Variants in CCDC148 observed in about 807,000 individuals in gnomAD.
CCDC148 encodes the protein coiled-coil domain containing 148.
Under a neutral mutation model 85.7 loss-of-function variants are expected in CCDC148, and 89 were observed. The observed-to-expected ratio is 1.04, with a 90% confidence interval of 0.87 to 1.24. CCDC148 has a LOEUF of 1.24. CCDC148 is among the 50% of genes most tolerant of loss of function. The pLI, the probability that CCDC148 is intolerant of heterozygous loss-of-function variation, is 0.00. For missense variants in CCDC148, 692 were observed against 671.7 expected (o/e 1.03, Z -0.33); for synonymous variants, 230 against 213.9 (o/e 1.08, Z -0.66).
intron 1 of CCDC148, among the ~76,000 whole-genome samples, chr2:158,437,917 G>C (rs13416405): frequency 0.048 from 7,273 of 152,192 alleles, 301 homozygotes; most frequent in African/African-American, 0.11. Flanking sequence ...CAACTTACAA[G>C]GGACGTGAAG....
intron 9 of CCDC148, among the ~76,000 whole-genome samples, chr2:158,293,770 T>C (rs76801774): frequency 0.044 from 6,769 of 152,286 alleles, 257 homozygotes; most frequent in African/African-American, 0.1. Context: ...AGTCTGCTAG[T>C]TGTCCCTGTT....
intron 9 of CCDC148, among the ~76,000 whole-genome samples, chr2:158,268,133 A>C (rs1689551380): frequency 1.3e-5 from 2 of 152,190 alleles, no homozygotes; most frequent in African/African-American, 4.8e-5. Flanking sequence ...TGAGTCGTAC[A>C]TGTTTAACTT....
intron 11 of CCDC148, among the ~76,000 whole-genome samples, chr2:158,214,414 A>G (rs1016053552): frequency 6.6e-6 from 1 of 152,220 alleles, no homozygotes; most frequent in Non-Finnish European, 1.5e-5. Context: ...TAAAAACACA[A>G]TATTTCAAAC....
At chr2:158,180,169 G>T (rs1684823066) in intron 11 of CCDC148, among the ~76,000 whole-genome samples, 1 of 152,056 alleles carries the variant, frequency 6.6e-6, no homozygotes, top group Admixed American at 6.6e-5. Flanking sequence ...TTTACCCTTA[G>T]TGTGCACACC....
At chr2:158,353,415 G>C (rs1314926267) in intron 2 of CCDC148, among the ~76,000 whole-genome samples, 2 of 150,710 alleles carry the variant, frequency 1.3e-5, no homozygotes, top group East Asian at 1.9e-4. Context: ...AAAAAAGGCA[G>C]GGGTTGCAAT....
chr2:158,187,795 T>C (rs1308899306), intron 11 of CCDC148, among the ~76,000 whole-genome samples: 1 of 152,048 alleles, frequency 6.6e-6, no homozygotes, highest in African/African-American at 2.4e-5. Context: ...GAAATCTGAC[T>C]TCAACTACAA....
At chr2:158,183,397 C>T (rs965738848) in intron 11 of CCDC148, among the ~76,000 whole-genome samples, 2 of 152,112 alleles carry the variant, frequency 1.3e-5, no homozygotes, top group Admixed American at 1.3e-4. Flanking sequence ...CTTCCCTGGG[C>T]TTCACTGAAA....
At chr2:158,345,674 T>A (rs1221876235) in intron 2 of CCDC148, among the ~76,000 whole-genome samples, 1 of 152,310 alleles carries the variant, frequency 6.6e-6, no homozygotes, top group East Asian at 1.9e-4. Context: ...ATCTTCCCTG[T>A]CAGGCATAAT....
chr2:158,187,743 A>T (rs1490008402), intron 11 of CCDC148, among the ~76,000 whole-genome samples: 1 of 151,980 alleles, frequency 6.6e-6, no homozygotes, highest in Non-Finnish European at 1.5e-5. Flanking sequence ...CAAAGTTCCA[A>T]CATGAATCCT....
At chr2:158,177,771 T>C (rs1308328648) in intron 12 of CCDC148, among the ~76,000 whole-genome samples, 1 of 152,170 alleles carries the variant, frequency 6.6e-6, no homozygotes, top group Admixed American at 6.6e-5. Context: ...AATAGTCGTA[T>C]GCATTTATGC....
At chr2:158,251,600 G>A (rs1182272715) in intron 9 of CCDC148, among the ~76,000 whole-genome samples, 1 of 151,850 alleles carries the variant, frequency 6.6e-6, no homozygotes, top group African/African-American at 2.4e-5. Flanking sequence ...GCACTACAGT[G>A]CTGTTTAAAA....
chr2:158,319,869 A>G (rs1350267346), intron 7 of CCDC148, among the ~76,000 whole-genome samples: 2 of 152,162 alleles, frequency 1.3e-5, no homozygotes, highest in African/African-American at 4.8e-5. Flanking sequence ...TTCAACACCA[A>G]GGGCCATTTT....
chr2:158,436,115 C>T (rs1574819223), intron 1 of CCDC148, among the ~76,000 whole-genome samples: 1 of 152,196 alleles, frequency 6.6e-6, no homozygotes. Flanking sequence ...CTCAACTCTG[C>T]ACCAGGCAGA....
At chr2:158,353,446 A>T (rs10174622) in intron 2 of CCDC148, among the ~76,000 whole-genome samples, 53,031 of 146,962 alleles carry the variant, frequency 0.36, 11,223 homozygotes, top group South Asian at 0.61. Context: ...GATAAAACAG[A>T]CTTTAAACCA....
chr2:158,311,931 G>A (rs1692038068), intron 8 of CCDC148, among the ~76,000 whole-genome samples: 2 of 152,152 alleles, frequency 1.3e-5, no homozygotes, highest in Admixed American at 6.5e-5. Flanking sequence ...CAGGAATGGA[G>A]AGAACCTGAG....
rs187274693 is a variant in CCDC148 at position 158,351,137 on chromosome 2, G to A, written c.148-5819C>T. On this transcript the variant is annotated intron_variant, in intron 2 of 13. Coordinates refer to ENST00000283233, the MANE Select transcript of CCDC148 (RefSeq NM_138803.4). Reference sequence around the variant, plus strand: ...TGGTTTTTATTGCAGTTTATACTTCGGATAATTTTACTTCCAGGCTTATTT... The same window carrying A: ...TGGTTTTTATTGCAGTTTATACTTCAGATAATTTTACTTCCAGGCTTATTT... 1.3e-3 allele frequency among the ~76,000 whole-genome samples: 191 copies of A among 152,174 alleles called. 1 individual carries two copies. Among genetic ancestry groups the A allele is most frequent in the African/African-American group, 4.0e-3 (168 of 41,518 alleles).
chr2:158,294,293 G>A (rs923100625), intron 9 of CCDC148, among the ~76,000 whole-genome samples: 30 of 152,182 alleles, frequency 2.0e-4, no homozygotes, highest in African/African-American at 6.7e-4. Context: ...ATATTCCATT[G>A]TATGGAAGTA....
intron 2 of CCDC148, among the ~76,000 whole-genome samples, chr2:158,351,006 C>T (rs537910587): frequency 7.2e-5 from 11 of 152,132 alleles, no homozygotes; most frequent in Non-Finnish European, 1.6e-4. Flanking sequence ...CTCATTGTAA[C>T]TTCATACTTT....
chr2:158,401,789 T>C (rs1685796912), intron 1 of CCDC148, among the ~76,000 whole-genome samples: 1 of 151,918 alleles, frequency 6.6e-6, no homozygotes, highest in Admixed American at 6.6e-5. Flanking sequence ...CCTTTCTCTT[T>C]GGGAATAAGG....
Sources: allele counts gnomAD v4.1 joint callset (sites outside exome capture counted in the v4.1 genomes callset), GRCh38; gene constraint gnomAD v4.1.1; transcripts MANE v1.5; gene names NCBI Gene and HGNC (gene_info 2026-07-23, HGNC 2026-07-21).